The following MGAT5 variants were observed in gnomAD, a reference collection of about 807,000 sequenced individuals.
The protein encoded by MGAT5 is alpha-1,6-mannosylglycoprotein 6-beta-N-acetylglucosaminyltransferase A.
Under a neutral mutation model 94.3 loss-of-function variants are expected in MGAT5, and 30 were observed. That is an observed-to-expected ratio of 0.32 (90% CI 0.24 to 0.43). The LOEUF is 0.43. Ranked by LOEUF, MGAT5 falls within the 20% of genes least tolerant of loss-of-function variation. The pLI is 1.00. For synonymous variants in MGAT5, 310 were observed against 322.9 expected (o/e 0.96, Z 0.43); for missense variants, 691 against 905.5 (o/e 0.76, Z 3.04).
intron 2 of MGAT5, among the ~76,000 whole-genome samples, chr2:134,274,905 G>C (rs1182589190): frequency 6.6e-6 from 1 of 152,194 alleles, no homozygotes; most frequent in African/African-American, 2.4e-5. Context: ...TTTGGAAGCT[G>C]TTCTTAAAAA....
In MGAT5 at chr2:134,398,889, A is replaced by C. The variant is rs142621590; in HGVS notation, c.1381-4099A>C. Among the ~76,000 whole-genome samples, 7 of 152,320 alleles carry C rather than the reference A, an allele frequency of 4.6e-5. No homozygotes were observed. The East Asian group carries it at 1.4e-3, about 29-fold the overall frequency. On this transcript the variant is annotated intron_variant, in intron 10 of 15. Transcript: ENST00000281923. ...TGGCCCTCATGGAGGTAGAAAGTAGAATGACAGATACCAGAGGCTGGGAAA... is the reference window on the plus strand; with the variant it reads ...TGGCCCTCATGGAGGTAGAAAGTAGCATGACAGATACCAGAGGCTGGGAAA...
intron 2 of MGAT5, among the ~76,000 whole-genome samples, chr2:134,298,134 C>G (rs1308454517): frequency 1.3e-5 from 2 of 152,132 alleles, no homozygotes; most frequent in Non-Finnish European, 2.9e-5. Context: ...CTCACTCTGT[C>G]TCCCAGGCTG....
chr2:134,375,556 G>C (rs989139371), intron 10 of MGAT5, among the ~76,000 whole-genome samples: 3 of 152,206 alleles, frequency 2.0e-5, no homozygotes, highest in African/African-American at 7.2e-5. Context: ...AGTTTTCACT[G>C]CATGTGATTC....
chr2:134,286,657 T>C (rs1436113169), intron 2 of MGAT5, among the ~76,000 whole-genome samples: 2 of 152,090 alleles, frequency 1.3e-5, no homozygotes, highest in Non-Finnish European at 2.9e-5. Flanking sequence ...TGACCTCAGG[T>C]GATCTGCCTG....
At chr2:134,231,866 C>G (rs1342099647) in intron 1 of MGAT5, among the ~76,000 whole-genome samples, 1 of 152,162 alleles carries the variant, frequency 6.6e-6, no homozygotes, top group East Asian at 1.9e-4. Flanking sequence ...GTTGTCTGTC[C>G]CCTGGTACTT....
upstream of MGAT5, among the ~76,000 whole-genome samples, chr2:134,251,627 T>G (rs1682604746): frequency 6.6e-6 from 1 of 152,154 alleles, no homozygotes; most frequent in Non-Finnish European, 1.5e-5. Flanking sequence ...TTTTAAAAAT[T>G]TTTTTAAATT....
rs59821586 is a variant in MGAT5 at position 134,381,536 on chromosome 2, C to CAGACAGACAGATAGATAGAT, written c.1380+19131_1380+19132insCAGACAGATAGATAGATAGA. 3.4e-3 allele frequency among the ~76,000 whole-genome samples: 499 copies of CAGACAGACAGATAGATAGAT among 146,954 alleles called. 7 individuals carry two copies. The highest frequency in any genetic ancestry group is 0.022 in the East Asian group (110 of 4,896). ...CCAGACAGACAGACAGACAGACAGACAGATAGATAGATAGATAGATAGCAC... is the reference window on the plus strand; with the variant it reads ...CCAGACAGACAGACAGACAGACAGACAGACAGACAGATAGATAGATAGATAGATAGATAGATAGATAGCAC... On this transcript the variant is annotated intron_variant, in intron 10 of 15. Coordinates refer to ENST00000281923, the MANE Select transcript of MGAT5 (RefSeq NM_002410.5).
chr2:134,254,515 A>G lies in MGAT5; in HGVS notation c.112A>G (p.Thr38Ala). The G allele has an allele frequency of 6.2e-7, 1 of 1,614,190 alleles. No individual in the cohort carries two copies. Among genetic ancestry groups the G allele is most frequent in the Non-Finnish European group, 8.5e-7 (1 of 1,180,038 alleles). Residue 38 changes from threonine to alanine, a missense_variant, in exon 1 of 16, where the codon ACT becomes GCT. Coordinates refer to ENST00000281923, the MANE Select transcript of MGAT5 (RefSeq NM_002410.5). ...TCTGCACTTTACCATCCAGCAGCGA[A>G]CTCAGCCTGAAAGCAGCTCCATGCT... ...MLLHFTIQQR[T>A]QPESSSMLRE...
chr2:134,374,233 A>G (rs1458785310), intron 10 of MGAT5, among the ~76,000 whole-genome samples: 1 of 152,194 alleles, frequency 6.6e-6, no homozygotes, highest in Non-Finnish European at 1.5e-5. Flanking sequence ...CTGTTTACAC[A>G]TACACAAGTA....
intron 1 of MGAT5, among the ~76,000 whole-genome samples, chr2:134,169,413 G>C (rs5023170): frequency 0.12 from 15,624 of 126,516 alleles, 1,812 homozygotes; most frequent in African/African-American, 0.35. Context: ...CACACACACA[G>C]ACACACACAC....
At chr2:134,215,800 G>C (rs934548350) in intron 1 of MGAT5, among the ~76,000 whole-genome samples, 1 of 152,198 alleles carries the variant, frequency 6.6e-6, no homozygotes, top group Non-Finnish European at 1.5e-5. Flanking sequence ...TTCCTAAGCA[G>C]TTGTATCAAT....
chr2:134,305,889 T>C (rs1686300103), intron 2 of MGAT5, among the ~76,000 whole-genome samples: 1 of 152,162 alleles, frequency 6.6e-6, no homozygotes. Context: ...CTCGAGAATA[T>C]AATACAGTTT....
intron 12 of MGAT5, among the ~76,000 whole-genome samples, chr2:134,414,159 GGTTTTTT>G (rs1318553902): frequency 7.2e-6 from 1 of 138,142 alleles, no homozygotes; most frequent in Non-Finnish European, 1.5e-5. Context: ...GTGTGTGTGT[GGTTTTTT>G]TTTTTTTTCC....
intron 1 of MGAT5, among the ~76,000 whole-genome samples, chr2:134,176,449 G>A (rs1260735282): frequency 1.3e-5 from 2 of 151,636 alleles, no homozygotes; most frequent in African/African-American, 2.4e-5. Context: ...GCATATGCCT[G>A]TAATTCTAGC....
chr2:134,197,714 A>C (rs1679566428), intron 1 of MGAT5, among the ~76,000 whole-genome samples: 1 of 152,228 alleles, frequency 6.6e-6, no homozygotes, highest in Non-Finnish European at 1.5e-5. Flanking sequence ...TAAACAAGAC[A>C]GTTTAGTTTC....
chr2:134,290,223 A>G (rs781513230), intron 2 of MGAT5, among the ~76,000 whole-genome samples: 5 of 152,112 alleles, frequency 3.3e-5, no homozygotes, highest in Non-Finnish European at 5.9e-5. Context: ...GCTTCTACCA[A>G]CTTGATCTTG....
At chr2:134,269,215 G>A in intron 1 of MGAT5, among the ~76,000 whole-genome samples, 1 of 152,310 alleles carries the variant, frequency 6.6e-6, no homozygotes, top group South Asian at 2.1e-4. Context: ...ATCTGCTTCT[G>A]GTTCATGAGG....
At position 134,223,454 on chromosome 2, in the gene MGAT5, ATT is replaced by A. The variant is rs375747376; in HGVS notation, c.-142-30806_-142-30805del. 4.6e-4 allele frequency among the ~76,000 whole-genome samples: 70 copies of A among 152,318 alleles called. 1 individual carries two copies. The highest frequency in any genetic ancestry group is 1.4e-3 in the African/African-American group (60 of 41,556). ...ATTTTTGTTTTCTTGGAAGTAAAAC[ATT>A]TATATTTTGACAGTTATAAGAGTAA... On this transcript the variant is annotated intron_variant, in intron 1 of 16. Transcript: ENST00000409645.
chr2:134,387,301 G>GATATATATCTATATAT (rs1682054486), intron 10 of MGAT5, among the ~76,000 whole-genome samples: 1 of 42,606 alleles, frequency 2.3e-5, no homozygotes, highest in Non-Finnish European at 4.0e-5. Flanking sequence ...AGTTATGTAT[G>GATATATATCTATATAT]ATATATATAT....
Sources: gnomAD v4.1 joint callset for allele counts (sites outside exome capture counted in the v4.1 genomes callset) on GRCh38, gnomAD v4.1.1 for gene constraint, MANE v1.5 for transcripts, NCBI Gene and HGNC (gene_info 2026-07-23, HGNC 2026-07-21) for gene names.